The following VTCN1 variants were observed in gnomAD, a reference collection of about 807,000 sequenced individuals.
VTCN1 encodes V-set domain containing T cell activation inhibitor 1.
A neutral mutation model predicts 26.5 loss-of-function variants in VTCN1; 26 were observed. The ratio of observed to expected loss-of-function variants is 0.98; its 90% CI spans 0.72 to 1.36. VTCN1 has a LOEUF of 1.36. Among genes scored for constraint, VTCN1 ranks in the 40% most tolerant of loss-of-function variants. VTCN1 has a pLI of 0.00. For missense variants in VTCN1, 298 were observed against 337.7 expected, an observed-to-expected ratio of 0.88 and a Z score of 0.92; for synonymous variants, 116 against 130.7, an observed-to-expected ratio of 0.89 and a Z score of 0.77.
chr1:117,191,604 G>GA (rs1648247980), intron 1 of VTCN1, among the ~76,000 whole-genome samples: 1 of 152,204 alleles, frequency 6.6e-6, no homozygotes, highest in Admixed American at 6.5e-5. Context: ...CCAACATGGA[G>GA]AAACCCTGTC....
At chr1:117,202,993 C>T (rs1328989038) in intron 1 of VTCN1, among the ~76,000 whole-genome samples, 2 of 151,996 alleles carry the variant, frequency 1.3e-5, no homozygotes, top group Non-Finnish European at 2.9e-5. Context: ...AATAGAGGTG[C>T]AGAGGAGAGA....
At chr1:117,194,190 A>G (rs1429415640) in intron 1 of VTCN1, among the ~76,000 whole-genome samples, 2 of 152,178 alleles carry the variant, frequency 1.3e-5, no homozygotes, top group Non-Finnish European at 2.9e-5. Flanking sequence ...AAATAACCCA[A>G]GTTTTAAAAA....
intron 2 of VTCN1, among the ~76,000 whole-genome samples, chr1:117,158,250 T>C (rs1652188092): frequency 6.6e-6 from 1 of 152,202 alleles, no homozygotes; most frequent in Non-Finnish European, 1.5e-5. Flanking sequence ...ATTTTCCTTC[T>C]GCACTGCCCT....
chr1:117,152,982 G>A (rs1281556927), intron 4 of VTCN1, 109 bp downstream of exon 4: 1 of 1,257,676 alleles, frequency 8.0e-7, no homozygotes, highest in Non-Finnish European at 1.1e-6. Flanking sequence ...TAGTGAAGAG[G>A]ACTCTAGAGA....
chr1:117,162,013 C>G (rs982000438), intron 2 of VTCN1, among the ~76,000 whole-genome samples: 5 of 152,092 alleles, frequency 3.3e-5, no homozygotes, highest in African/African-American at 9.7e-5. Context: ...TTAGGGAATC[C>G]GTTGAAATAT....
intron 1 of VTCN1, chr1:117,203,661 A>C (rs1277572431): frequency 6.1e-6 from 6 of 985,322 alleles, no homozygotes; most frequent in Non-Finnish European, 6.0e-6. Flanking sequence ...ATCAAGACCC[A>C]TCTGTGGCTC....
At chr1:117,210,689 C>G in intron 1 of VTCN1, 135 bp downstream of exon 1, 1 of 918,494 alleles carries the variant, frequency 1.1e-6, no homozygotes, top group Non-Finnish European at 1.7e-6. Context: ...TGGCCAGGCT[C>G]CCGCTGGCCC....
chr1:117,151,367 A>G (rs1248151482), intron 4 of VTCN1, among the ~76,000 whole-genome samples: 1 of 152,192 alleles, frequency 6.6e-6, no homozygotes, highest in Non-Finnish European at 1.5e-5. Context: ...AGTGAGAGTC[A>G]CAGCTCTTAA....
chr1:117,202,488 T>C (rs1648837532), intron 1 of VTCN1, among the ~76,000 whole-genome samples: 2 of 152,160 alleles, frequency 1.3e-5, no homozygotes, highest in African/African-American at 4.8e-5. Context: ...AACAGAGGTG[T>C]AAACATTAGA....
At chr1:117,163,132 G>A (rs1457159226) in intron 2 of VTCN1, among the ~76,000 whole-genome samples, 1 of 152,184 alleles carries the variant, frequency 6.6e-6, no homozygotes, top group Non-Finnish European at 1.5e-5. Context: ...GGTGGGGTGG[G>A]GAGAACAGTT....
At position 117,175,217 on chromosome 1, in the gene VTCN1, C is replaced by T. The variant is rs1647271253; in HGVS notation, c.33-5046G>A. On this transcript the variant is annotated intron_variant, in intron 1 of 5. Coordinates refer to ENST00000369458, the MANE Select transcript of VTCN1 (RefSeq NM_024626.4). This position sits in a 1 kb window ranked among gnomAD's most constrained non-coding sequence, Gnocchi z 4.2. ...GGGGAAAATAGGCTTAAAGGCAGAG[C>T]GCTCGAAACCTATGCGACTTTGTAA... 6.6e-6 allele frequency among the ~76,000 whole-genome samples: 1 copy of T among 152,298 alleles called. No individual in the cohort carries two copies. Among genetic ancestry groups the T allele is most frequent in the Middle Eastern group, 3.4e-3 (1 of 294 alleles).
intron 1 of VTCN1, among the ~76,000 whole-genome samples, chr1:117,203,432 A>G (rs1280700935): frequency 6.6e-6 from 1 of 152,106 alleles, no homozygotes; most frequent in African/African-American, 2.4e-5. Flanking sequence ...TATCTATGAA[A>G]TTTTTCATTT....
In VTCN1 at chr1:117,147,506, T is replaced by C; in HGVS notation, c.*45+107A>G. 1 of 899,494 alleles carries C rather than the reference T, an allele frequency of 1.1e-6. No individual in the cohort carries two copies. The highest frequency in any genetic ancestry group is 3.1e-5 in the Admixed American group (1 of 32,148). The allele number at this position is 899,494 out of a possible 1,614,324, so 55.7% of individuals were successfully genotyped here. ...TGGAAATAATGTCACAGCCCTGGTG[T>C]CATTAAATGTTTCTTTCTGTGGCTG... On this transcript the variant is annotated intron_variant, in intron 5 of 5. Transcript: ENST00000369458. The surrounding 1 kb of genome is among the most constrained non-coding windows in gnomAD (Gnocchi z 4.6).
rs1161452960 is a variant in VTCN1 at position 117,156,807 on chromosome 1, C to T, written c.212G>A (p.Trp71Ter). 14 of 1,613,980 alleles carry T rather than the reference C, an allele frequency of 8.7e-6. No homozygotes were observed. The highest frequency in any genetic ancestry group is 1.1e-5 in the Non-Finnish European group (13 of 1,180,032). The change falls in exon 3 of 6, where the codon TGG becomes TAG. Residue 71 changes from tryptophan (W) to a stop codon, truncating the protein, a stop_gained. Coordinates refer to ENST00000369458, the MANE Select transcript of VTCN1 (RefSeq NM_024626.4). LOFTEE classifies it high-confidence loss of function. Reference sequence around the variant, plus strand: ...CAAGCCTAAAACACCTTCCTTCAGCCATTGTATCACGATATCAGAAAGTTT... The same window carrying T: ...CAAGCCTAAAACACCTTCCTTCAGCTATTGTATCACGATATCAGAAAGTTT... The part of the protein sequence containing the change: ...DIKLSDIVIQ[W>*]LKEGVLGLVH...
intron 2 of VTCN1, among the ~76,000 whole-genome samples, chr1:117,160,857 G>A (rs565241406): frequency 2.6e-4 from 40 of 152,322 alleles, no homozygotes; most frequent in African/African-American, 9.1e-4. Flanking sequence ...CAAAGTAAAT[G>A]AGGGTAATGA....
chr1:117,147,756 G>C lies in VTCN1; in HGVS notation c.751C>G (p.Leu251Val), dbSNP rs1302713305. ...TESEIKRRSH[L>V]QLLNSKASLC... ...GAAGCCTTTGAGTTTAGCAGCTGTA[G>C]GTGACTCCGCCTTTTGATCTCCGAT... is the stretch of plus-strand genomic sequence containing the variant. Residue 251 changes from leucine (L) to valine (V), a missense_variant, in exon 5 of 6, where the codon CTA becomes GTA. Physicochemically the swap from Leu to Val is conservative, Grantham distance 32 (BLOSUM62 1). Transcript: ENST00000369458. This position sits in a 1 kb window ranked among gnomAD's most constrained non-coding sequence, Gnocchi z 4.6. The C allele has an allele frequency of 6.2e-7, 1 of 1,613,772 alleles. No homozygotes were observed. Among genetic ancestry groups the C allele is most frequent in the South Asian group, 1.1e-5 (1 of 91,046 alleles).
At chr1:117,186,180 T>G (rs1223096370) in intron 1 of VTCN1, among the ~76,000 whole-genome samples, 1 of 152,196 alleles carries the variant, frequency 6.6e-6, no homozygotes, top group African/African-American at 2.4e-5. Context: ...TTTCCAGGCA[T>G]GAGAGATCTG....
At chr1:117,205,425 A>G (rs1013338471) in intron 1 of VTCN1, among the ~76,000 whole-genome samples, 3 of 152,052 alleles carry the variant, frequency 2.0e-5, no homozygotes, top group Non-Finnish European at 4.4e-5. Flanking sequence ...AGCCTTCCAA[A>G]GTGCTGAGAT....
intron 2 of VTCN1, among the ~76,000 whole-genome samples, chr1:117,157,733 A>G (rs1652164130): frequency 6.6e-6 from 1 of 152,142 alleles, no homozygotes; most frequent in African/African-American, 2.4e-5. Flanking sequence ...AGTCCCCCAA[A>G]GTCTTAATTC....
Sources: allele counts gnomAD v4.1 joint callset (sites outside exome capture counted in the v4.1 genomes callset), GRCh38; gene constraint gnomAD v4.1.1; non-coding constraint Gnocchi (gnomAD v3.1); transcripts MANE v1.5; gene names NCBI Gene and HGNC (gene_info 2026-07-23, HGNC 2026-07-21).